The following EXOC4 variants were observed in gnomAD, a reference collection of about 807,000 sequenced individuals.
The protein encoded by EXOC4 is exocyst complex component 4.
EXOC4 carries 71 observed loss-of-function variants against 107.2 expected under a neutral mutation model. The observed-to-expected ratio is 0.66, with a 90% CI of 0.55 to 0.81. EXOC4 has a LOEUF of 0.81. Among genes scored for constraint, EXOC4 ranks in the 30% least tolerant of loss-of-function variants. The probability of loss-of-function intolerance (pLI) is 0.00; values close to 1 mark genes in which losing one functional copy is unlikely to be tolerated. For synonymous variants in EXOC4, 456 were observed against 441.2 expected (o/e 1.03, Z -0.42); for missense variants, 1,108 against 1,189.6 (o/e 0.93, Z 1.01).
chr7:133,593,591 T>C lies in EXOC4; in HGVS notation c.1418-36454T>C, dbSNP rs117422613. On this transcript the variant is annotated intron_variant, in intron 9 of 17. Transcript: ENST00000253861. Reference sequence around the variant, plus strand: ...ATGGTGAATTATCATAGGGGATGTTTATGGATGAAAGCTCTTGAATTATAG... The same window carrying C: ...ATGGTGAATTATCATAGGGGATGTTCATGGATGAAAGCTCTTGAATTATAG... Among the ~76,000 whole-genome samples, 1,519 of 152,306 alleles carry C rather than the reference T, an allele frequency of 1.0e-2. 12 individuals are homozygous for C. The highest frequency in any genetic ancestry group is 0.015 in the Non-Finnish European group (1,030 of 68,020).
At chr7:133,837,669 T>G (rs954666906) in intron 11 of EXOC4, among the ~76,000 whole-genome samples, 3 of 152,198 alleles carry the variant, frequency 2.0e-5, no homozygotes, top group African/African-American at 7.2e-5. Context: ...GCCTGACATC[T>G]TCTTAGCTCG....
intron 11 of EXOC4, among the ~76,000 whole-genome samples, chr7:133,863,695 A>G (rs931149023): frequency 3.9e-5 from 6 of 152,190 alleles, no homozygotes; most frequent in Admixed American, 3.3e-4. Flanking sequence ...TTTTCTGTTT[A>G]TATATTTTCT....
Position 134,005,047 on chromosome 7 carries a change from G to C in EXOC4, c.2484G>C (p.Met828Ile). ...NKDISAIEEA[M>I]SASLQQHKFQ... ...ATATCAGCGCCATTGAAGAGGCCAT[G>C]AGCGCCAGCCTTCAGCAGCACAAGT... Residue 828 changes from methionine to isoleucine, a missense_variant, in exon 16 of 18, where the codon ATG becomes ATC. Transcript: ENST00000253861. 1 of 1,613,530 alleles carries C rather than the reference G, an allele frequency of 6.2e-7. No individual in the cohort carries two copies. The highest frequency in any genetic ancestry group is 1.1e-5 in the South Asian group (1 of 91,056).
intron 9 of EXOC4, among the ~76,000 whole-genome samples, chr7:133,537,370 C>T (rs558260473): frequency 0.011 from 1,673 of 151,344 alleles, 13 homozygotes; most frequent in Middle Eastern, 0.027. Flanking sequence ...ATTGGGCCAA[C>T]CTGGTCTTGA....
At chr7:133,613,541 A>G (rs73726935) in intron 9 of EXOC4, among the ~76,000 whole-genome samples, 3,561 of 152,100 alleles carry the variant, frequency 0.023, 146 homozygotes, top group African/African-American at 0.081. Context: ...CATGGAACCC[A>G]TACAAAGCAC....
At chr7:133,327,621 G>T (rs1257372517) in intron 5 of EXOC4, among the ~76,000 whole-genome samples, 1 of 152,084 alleles carries the variant, frequency 6.6e-6, no homozygotes, top group East Asian at 1.9e-4. Flanking sequence ...GTGTCCCAGA[G>T]ATTTTGTTGC....
chr7:133,930,171 G>T (rs753198757), intron 13 of EXOC4, among the ~76,000 whole-genome samples: 7 of 152,078 alleles, frequency 4.6e-5, no homozygotes, highest in Non-Finnish European at 8.8e-5. Context: ...TGAAGTTCAG[G>T]AATTCTTTTT....
chr7:134,019,509 A>T (rs1329932295), intron 17 of EXOC4, among the ~76,000 whole-genome samples: 4 of 152,190 alleles, frequency 2.6e-5, no homozygotes, highest in African/African-American at 9.6e-5. Flanking sequence ...TCAGCACATG[A>T]CATGAACGTT....
At chr7:133,667,565 T>C (rs10808271) in intron 10 of EXOC4, among the ~76,000 whole-genome samples, 65,432 of 152,012 alleles carry the variant, frequency 0.43, 15,000 homozygotes, top group Admixed American at 0.57. Context: ...CTGTGCAGTG[T>C]ATTTTGTTTC....
At chr7:133,457,767 A>G (rs1798496824) in intron 7 of EXOC4, among the ~76,000 whole-genome samples, 1 of 152,088 alleles carries the variant, frequency 6.6e-6, no homozygotes, top group Admixed American at 6.6e-5. Flanking sequence ...TTCACCTTTA[A>G]TTGAATAACC....
At chr7:133,732,346 G>A (rs1213904938) in intron 10 of EXOC4, 1 of 152,238 alleles carries the variant, frequency 6.6e-6, no homozygotes, top group Non-Finnish European at 1.5e-5. Context: ...TTAATACCTA[G>A]GTGATGGGTT....
At chr7:133,455,205 T>A (rs1452675040) in intron 7 of EXOC4, among the ~76,000 whole-genome samples, 1 of 152,228 alleles carries the variant, frequency 6.6e-6, no homozygotes, top group Admixed American at 6.5e-5. Context: ...ATGTGAGTTA[T>A]ACTCTTTCTT....
Position 133,907,705 on chromosome 7 carries a change from G to A in EXOC4, c.1872-9878G>A, listed in dbSNP as rs190101190. Among the ~76,000 whole-genome samples the A allele has an allele frequency of 2.6e-5, 4 of 152,248 alleles. No individual in the cohort carries two copies. In the East Asian group the frequency reaches 7.7e-4, roughly 29 times the overall value. Reference sequence around the variant, plus strand: ...TATACAAATATTAGCTGGGCATGGTGGCAGGTTCCTGTAATCCCTTCTACT... The same window carrying A: ...TATACAAATATTAGCTGGGCATGGTAGCAGGTTCCTGTAATCCCTTCTACT... On this transcript the variant is annotated intron_variant, in intron 12 of 17. Transcript: ENST00000253861.
At chr7:134,028,566 C>T (rs924875564) in intron 17 of EXOC4, among the ~76,000 whole-genome samples, 6 of 152,212 alleles carry the variant, frequency 3.9e-5, no homozygotes, top group East Asian at 1.9e-4. Context: ...ACTAGGTAGC[C>T]GCAGTGTGGA....
At chr7:133,664,338 A>C (rs573566630) in intron 10 of EXOC4, among the ~76,000 whole-genome samples, 31 of 152,298 alleles carry the variant, frequency 2.0e-4, no homozygotes, top group Non-Finnish European at 4.1e-4. Flanking sequence ...CCTGACATAC[A>C]GTAGGCCCTC....
At chr7:133,466,912 T>G (rs1348423417) in intron 7 of EXOC4, among the ~76,000 whole-genome samples, 1 of 152,120 alleles carries the variant, frequency 6.6e-6, no homozygotes, top group Non-Finnish European at 1.5e-5. Context: ...GCACTTGACC[T>G]CCATTGATTA....
At chr7:133,859,965 T>C (rs143464621) in intron 11 of EXOC4, among the ~76,000 whole-genome samples, 4 of 152,320 alleles carry the variant, frequency 2.6e-5, no homozygotes, top group African/African-American at 9.6e-5. Context: ...GAGCCAGCTG[T>C]AGACTAGAAA....
chr7:134,007,780 C>T lies in EXOC4; in HGVS notation c.2632C>T (p.Gln878Ter). 1 of 1,613,650 alleles carries T rather than the reference C, an allele frequency of 6.2e-7. No homozygotes were observed. Among genetic ancestry groups the T allele is most frequent in the Non-Finnish European group, 8.5e-7 (1 of 1,179,740 alleles). ...AATGTGTAGGAACATTTTTGTTCTT[C>T]AGCAGAATTTGACCAACATCACCAT... ...KKMCRNIFVL[Q>*]QNLTNITMSR... is the part of the protein sequence containing the mutation. The change falls in exon 17 of 18, where the codon CAG becomes TAG. Residue 878 changes from glutamine (Q) to a stop codon, truncating the protein, a stop_gained. Transcript: ENST00000253861. LOFTEE classifies it high-confidence loss of function.
intron 5 of EXOC4, among the ~76,000 whole-genome samples, chr7:133,345,216 A>G (rs528123911): frequency 3.9e-5 from 6 of 152,302 alleles, no homozygotes; most frequent in South Asian, 2.1e-4. Flanking sequence ...TACACATACT[A>G]TCTCCATTTC....
Sources: allele counts gnomAD v4.1 joint callset (sites outside exome capture counted in the v4.1 genomes callset), GRCh38; gene constraint gnomAD v4.1.1; transcripts MANE v1.5; gene names NCBI Gene and HGNC (gene_info 2026-07-23, HGNC 2026-07-21).